GRIN2B: variants seen among roughly 807,000 people sequenced by gnomAD.
GRIN2B encodes the protein glutamate receptor ionotropic, NMDA 2B.
Under a neutral mutation model 114.5 loss-of-function variants are expected in GRIN2B, and 5 were observed. That is an observed-to-expected ratio of 0.04 (90% CI 0.02 to 0.09). GRIN2B has a LOEUF of 0.09. Ranked by LOEUF, GRIN2B falls within the 10% of genes least tolerant of loss-of-function variation. The pLI is 1.00. For synonymous variants in GRIN2B, 787 were observed against 745.1 expected, an observed-to-expected ratio of 1.06 and a Z score of -0.92; for missense variants, 1,108 against 1,943.5, an observed-to-expected ratio of 0.57 and a Z score of 8.08.
At chr12:13,844,589 T>C (rs1181263071) in intron 3 of GRIN2B, among the ~76,000 whole-genome samples, 2 of 152,152 alleles carry the variant, frequency 1.3e-5, no homozygotes, top group African/African-American at 4.8e-5. Flanking sequence ...TCAGTGTAGC[T>C]TACATGGTTC....
chr12:13,783,525 G>A (rs752536815), intron 3 of GRIN2B, among the ~76,000 whole-genome samples: 15 of 151,852 alleles, frequency 9.9e-5, no homozygotes, highest in Non-Finnish European at 1.3e-4. Context: ...GAGTTAGGTG[G>A]GTGTTAACAG....
At chr12:13,820,352 T>C (rs780145088) in intron 3 of GRIN2B, among the ~76,000 whole-genome samples, 12 of 152,154 alleles carry the variant, frequency 7.9e-5, no homozygotes, top group African/African-American at 2.9e-4. Flanking sequence ...TGACCATATA[T>C]AGCCACCTAC....
chr12:13,915,560 T>C (rs1437297554), intron 2 of GRIN2B, among the ~76,000 whole-genome samples: 3 of 152,248 alleles, frequency 2.0e-5, no homozygotes, highest in Non-Finnish European at 2.9e-5. Flanking sequence ...TCTGCAGTGA[T>C]GGAAATTTAT....
At chr12:13,941,982 G>A (rs1162619884) in intron 2 of GRIN2B, among the ~76,000 whole-genome samples, 1 of 152,180 alleles carries the variant, frequency 6.6e-6, no homozygotes, top group African/African-American at 2.4e-5. Context: ...ACAAATGTTT[G>A]AGTCACAACT....
At chr12:13,740,355 G>C (rs1293411888) in intron 4 of GRIN2B, among the ~76,000 whole-genome samples, 2 of 152,128 alleles carry the variant, frequency 1.3e-5, no homozygotes, top group African/African-American at 4.8e-5. Flanking sequence ...TCCGGCACAG[G>C]GTTCAGTACA....
intron 5 of GRIN2B, among the ~76,000 whole-genome samples, chr12:13,668,460 AC>A (rs1019254044): frequency 2.6e-5 from 4 of 152,048 alleles, no homozygotes; most frequent in African/African-American, 9.7e-5. Flanking sequence ...TTAACAGCAC[AC>A]CTCTACCTCC....
In GRIN2B at chr12:13,910,929, G is replaced by T. The variant is rs145965674; in HGVS notation, c.-18-44703C>A. 2.6e-5 allele frequency among the ~76,000 whole-genome samples: 4 copies of T among 152,038 alleles called. No homozygotes were observed. The East Asian group carries it at 7.8e-4, about 30-fold the overall frequency. Reference sequence around the variant, plus strand: ...ATCTCCATACCCCCGCTTTCACACTGATGGGTGTCTGGAATATCCTTTCCT... The same window carrying T: ...ATCTCCATACCCCCGCTTTCACACTTATGGGTGTCTGGAATATCCTTTCCT... On this transcript the variant is annotated intron_variant, in intron 2 of 13. Transcript: ENST00000609686.
intron 3 of GRIN2B, among the ~76,000 whole-genome samples, chr12:13,842,049 G>A (rs1322629758): frequency 6.6e-6 from 1 of 152,096 alleles, no homozygotes; most frequent in East Asian, 1.9e-4. Context: ...TGCCTGGAAG[G>A]AGCAAAGTCC....
intron 3 of GRIN2B, among the ~76,000 whole-genome samples, chr12:13,808,524 C>T (rs532228640): frequency 4.1e-4 from 62 of 151,254 alleles, no homozygotes; most frequent in African/African-American, 1.4e-3. Context: ...GAACTTCACT[C>T]ATAGGTGGGA....
intron 3 of GRIN2B, among the ~76,000 whole-genome samples, chr12:13,850,835 G>A (rs1591766797): frequency 6.6e-6 from 1 of 152,158 alleles, no homozygotes; most frequent in Non-Finnish European, 1.5e-5. Context: ...TTAGATAAGT[G>A]TTCTAGTTTC....
At position 13,675,783 on chromosome 12, in the gene GRIN2B, C is replaced by A. The variant is rs200983379; in HGVS notation, c.1087G>T (p.Val363Leu). 1.2e-6 allele frequency: 2 copies of A among 1,611,410 alleles called. No homozygotes were observed. Among genetic ancestry groups the A allele is most frequent in the Non-Finnish European group, 1.7e-6 (2 of 1,177,868 alleles). ...CTCTCCTTGTTCAGAAGAATTATCACCAGTTTCGGGTGCATCTGGTAGCCA... is the reference window on the plus strand; with the variant it reads ...CTCTCCTTGTTCAGAAGAATTATCAACAGTTTCGGGTGCATCTGGTAGCCA... ...EDGYQMHPKL[V>L]IILLNKERKW... is the part of the protein sequence containing the mutation. The change falls in exon 5 of 14, where the codon GTG becomes TTG. Residue 363 changes from valine to leucine, a missense_variant. Physicochemically the swap from Val to Leu is conservative, Grantham distance 32 (BLOSUM62 1). Around this residue, in one of 19 missense-constraint regions of GRIN2B, gnomAD observed 199 missense variants for 439.6 expected, o/e 0.45. Transcript: ENST00000609686.
rs183106041 is a variant in GRIN2B, at chr12:13,813,635, G to A, written c.411+52163C>T. ...AGATTCTACAGCAGATGAGGAAGCC[G>A]AGGTCAGAAAGATGAAGGCGCTTGC... is the stretch of plus-strand genomic sequence containing the variant. On this transcript the variant is annotated intron_variant, in intron 3 of 13. Transcript: ENST00000609686. Among the ~76,000 whole-genome samples, 51 of 152,306 alleles carry A rather than the reference G, an allele frequency of 3.3e-4. 1 individual carries two copies. The highest frequency in any genetic ancestry group is 1.1e-3 in the African/African-American group (45 of 41,562).
At position 13,559,471 on chromosome 12, in the gene GRIN2B, G is replaced by T. The variant is rs1948512777; in HGVS notation, c.*3312C>A. ...ACCCAAGGCCAGATTATGAACACCT[G>T]GCTCGAGGCCAGTAGCACCTTCCTG... is the stretch of plus-strand genomic sequence containing the variant. On this transcript the variant is annotated 3_prime_UTR_variant, in exon 14 of 14. Transcript: ENST00000609686. The T allele has an allele frequency of 6.6e-6, 1 of 152,166 alleles. No individual in the cohort carries two copies. The highest frequency in any genetic ancestry group is 6.5e-5 in the Admixed American group (1 of 15,282). 9.4% of individuals were successfully genotyped at this position (152,166 alleles called of 1,614,324 possible).
At chr12:13,749,961 T>C (rs760262063) in intron 4 of GRIN2B, among the ~76,000 whole-genome samples, 1 of 151,616 alleles carries the variant, frequency 6.6e-6, no homozygotes, top group Non-Finnish European at 1.5e-5. Flanking sequence ...AGAATGGAGG[T>C]GTATGGACAA....
rs1363559243 is a variant in GRIN2B at position 13,562,983 on chromosome 12, G to T, written c.4255C>A (p.Pro1419Thr). Residue 1419 changes from proline to threonine, a missense_variant, in exon 14 of 14, where the codon CCG (proline) becomes ACG (threonine). Coordinates refer to ENST00000609686, the MANE Select transcript of GRIN2B (RefSeq NM_000834.5). The part of the protein sequence containing the change: ...PTVAGASKAR[P>T]DFRALVTNKP... ...TTGGTGACAAGGGCCCGGAAGTCCG[G>T]CCTGGCTTTCGACGCCCCCGCCACC... The T allele has an allele frequency of 1.2e-6, 2 of 1,613,734 alleles. No individual in the cohort carries two copies. Among genetic ancestry groups the T allele is most frequent in the South Asian group, 1.1e-5 (1 of 91,080 alleles).
intron 3 of GRIN2B, among the ~76,000 whole-genome samples, chr12:13,853,703 A>G (rs934366130): frequency 6.6e-6 from 1 of 152,216 alleles, no homozygotes; most frequent in Non-Finnish European, 1.5e-5. Flanking sequence ...ATCTGTGAGG[A>G]AGGGAAAGGT....
chr12:13,938,858 T>A (rs1867179086), intron 2 of GRIN2B, among the ~76,000 whole-genome samples: 1 of 152,212 alleles, frequency 6.6e-6, no homozygotes, highest in Non-Finnish European at 1.5e-5. Flanking sequence ...CCTGTACACT[T>A]AAAATACGTA....
At chr12:13,972,739 G>A (rs1043362965) in intron 2 of GRIN2B, among the ~76,000 whole-genome samples, 1 of 152,186 alleles carries the variant, frequency 6.6e-6, no homozygotes, top group Admixed American at 6.5e-5. Context: ...TTGTCGAGGA[G>A]GACACGTAAC....
intron 2 of GRIN2B, among the ~76,000 whole-genome samples, chr12:13,954,860 C>T (rs867668899): frequency 1.2e-3 from 115 of 98,664 alleles, no homozygotes; most frequent in African/African-American, 3.7e-3. Context: ...CAAAAAAAAT[C>T]TTATGACACA....
Sources: allele counts gnomAD v4.1 joint callset (sites outside exome capture counted in the v4.1 genomes callset), GRCh38; gene constraint gnomAD v4.1.1; regional missense constraint gnomAD v4.1.1; transcripts MANE v1.5; gene names NCBI Gene and HGNC (gene_info 2026-07-23, HGNC 2026-07-21).